The following CFH variants were observed in gnomAD, a reference collection of about 807,000 sequenced individuals.
CFH encodes H factor 1 (complement).
Under a neutral mutation model 147.3 loss-of-function variants are expected in CFH, and 53 were observed. The ratio of observed to expected loss-of-function variants is 0.36; its 90% confidence interval spans 0.29 to 0.45. The LOEUF (loss-of-function observed/expected upper bound fraction) is 0.45, where lower values mean the gene tolerates loss of function less well. CFH is among the 20% of genes least tolerant of loss of function. The pLI is 1.00. For synonymous variants in CFH, 536 were observed against 489.4 expected (o/e 1.10, Z -1.26); for missense variants, 1,380 against 1,498.0 (o/e 0.92, Z 1.30).
At chr1:196,746,988 G>A in intron 21 of CFH, 123 bp from the exon 22 acceptor site, 1 of 1,518,302 alleles carries the variant, frequency 6.6e-7, no homozygotes, top group Non-Finnish European at 9.0e-7. Context: ...TACATAGTTG[G>A]TTTGGATAGT....
Position 196,725,315 on chromosome 1 carries a change from A to C in CFH, c.1873+18A>C. ...ATGTAAAGGTGAATGCTTATCTTAC[A>C]ATTGCTGAAATAAGAATTAGAACTT... On this transcript the variant is annotated intron_variant, in intron 12 of 21. Coordinates refer to ENST00000367429, the MANE Select transcript of CFH (RefSeq NM_000186.4). The C allele has an allele frequency of 6.2e-7, 1 of 1,611,200 alleles. No individual in the cohort carries two copies. Among genetic ancestry groups the C allele is most frequent in the Non-Finnish European group, 8.5e-7 (1 of 1,177,670 alleles).
chr1:196,717,056 T>G (rs538456562), intron 11 of CFH, among the ~76,000 whole-genome samples: 2 of 151,724 alleles, frequency 1.3e-5, no homozygotes, highest in South Asian at 4.2e-4. Context: ...GAGCAATAGA[T>G]AGTAAAGAAA....
At chr1:196,675,943 T>C (rs369221218) in intron 3 of CFH, 46 bp from the exon 4 acceptor site, 57 of 1,292,924 alleles carry the variant, frequency 4.4e-5, no homozygotes, top group Non-Finnish European at 6.3e-5. Flanking sequence ...TAAAACTGCA[T>C]GTAAACACAC....
chr1:196,737,892 T>C (rs1652632380), intron 17 of CFH, among the ~76,000 whole-genome samples: 1 of 152,170 alleles, frequency 6.6e-6, no homozygotes, highest in African/African-American at 2.4e-5. Context: ...CTAGTGAAAT[T>C]AAACCTATCT....
chr1:196,740,629 T>C lies in CFH; in HGVS notation c.2793T>C (p.Cys931=). 6.2e-7 allele frequency: 1 copy of C among 1,613,734 alleles called. No individual in the cohort carries two copies. Among genetic ancestry groups the C allele is most frequent in the Non-Finnish European group, 8.5e-7 (1 of 1,179,832 alleles). The change falls in exon 18 of 22, where the codon TGT becomes TGC. Residue 931 remains cysteine (C), a synonymous_variant. Coordinates refer to ENST00000367429, the MANE Select transcript of CFH (RefSeq NM_000186.4). ...SSPPQCEGLP[C]KSPPEISHGV... is the part of the protein sequence containing the mutation. ...TTCTTTTTTTTTTAGGCCTTCCTTG[T>C]AAATCTCCACCTGAGATTTCTCATG...
intron 6 of CFH, among the ~76,000 whole-genome samples, chr1:196,681,830 A>G (rs1045740726): frequency 6.6e-6 from 1 of 151,838 alleles, no homozygotes; most frequent in African/African-American, 2.4e-5. Flanking sequence ...TATGCCAACT[A>G]ATATAGCATA....
At chr1:196,742,662 T>C (rs578221476) in intron 19 of CFH, among the ~76,000 whole-genome samples, 1 of 152,292 alleles carries the variant, frequency 6.6e-6, no homozygotes, top group African/African-American at 2.4e-5. Context: ...AAGCTCATTC[T>C]AGACATCCAG....
At chr1:196,719,616 C>A (rs1668952243) in intron 11 of CFH, among the ~76,000 whole-genome samples, 1 of 151,708 alleles carries the variant, frequency 6.6e-6, no homozygotes, top group African/African-American at 2.4e-5. Context: ...TGAATTCTAG[C>A]TTGTACTTTT....
intron 2 of CFH, 159 bp downstream of exon 2, chr1:196,673,322 T>C (rs1430527077): frequency 1.4e-6 from 1 of 719,330 alleles, no homozygotes; most frequent in East Asian, 2.8e-5. Flanking sequence ...AGTCTGGCTC[T>C]GTCACCTAGG....
intron 9 of CFH, among the ~76,000 whole-genome samples, chr1:196,704,343 C>A (rs1573045490): frequency 6.6e-6 from 1 of 152,280 alleles, no homozygotes; most frequent in African/African-American, 2.4e-5. Flanking sequence ...AATCTGCCCT[C>A]CTTGGCCTCC....
intron 7 of CFH, among the ~76,000 whole-genome samples, chr1:196,685,555 A>C (rs1182190327): frequency 2.0e-5 from 3 of 152,102 alleles, no homozygotes; most frequent in Admixed American, 6.6e-5. Flanking sequence ...AAAATACCCC[A>C]AAAACATATT....
chr1:196,686,923 G>A (rs1480485779), intron 7 of CFH, among the ~76,000 whole-genome samples: 1 of 151,930 alleles, frequency 6.6e-6, no homozygotes, highest in East Asian at 1.9e-4. Context: ...TTATTCTCAG[G>A]CCTGCTTCAT....
At chr1:196,700,463 G>A (rs1399288847) in intron 9 of CFH, among the ~76,000 whole-genome samples, 1 of 151,940 alleles carries the variant, frequency 6.6e-6, no homozygotes, top group African/African-American at 2.4e-5. Context: ...AGACCAGGCT[G>A]GCCAACATGG....
At chr1:196,720,565 C>A in intron 11 of CFH, among the ~76,000 whole-genome samples, 1 of 151,862 alleles carries the variant, frequency 6.6e-6, no homozygotes, top group Non-Finnish European at 1.5e-5. Flanking sequence ...ATTATTTTAC[C>A]TAAAATAATG....
intron 9 of CFH, among the ~76,000 whole-genome samples, chr1:196,691,132 A>AT (rs1668007832): frequency 6.6e-6 from 1 of 151,802 alleles, no homozygotes; most frequent in Non-Finnish European, 1.5e-5. Context: ...TGCCTAAACA[A>AT]TTTTTTCTCA....
chr1:196,722,729 AT>A (rs916934178), intron 11 of CFH, among the ~76,000 whole-genome samples: 1 of 152,012 alleles, frequency 6.6e-6, no homozygotes, highest in Non-Finnish European at 1.5e-5. Context: ...AAGTTTTCTC[AT>A]TTTTTAGAAC....
At chr1:196,711,469 T>A (rs1190652726) in intron 9 of CFH, among the ~76,000 whole-genome samples, 1 of 145,298 alleles carries the variant, frequency 6.9e-6, no homozygotes, top group Non-Finnish European at 1.5e-5. Context: ...AAAATGTGGA[T>A]TTTTTTTTAA....
intron 9 of CFH, among the ~76,000 whole-genome samples, chr1:196,709,638 G>A (rs551163456): frequency 2.0e-5 from 3 of 152,200 alleles, no homozygotes; most frequent in Non-Finnish European, 2.9e-5. Flanking sequence ...CTTTCCATTT[G>A]TCCAACTTCT....
intron 1 of CFH, among the ~76,000 whole-genome samples, chr1:196,656,346 G>GA (rs1558147857): frequency 6.6e-6 from 1 of 150,514 alleles, no homozygotes; most frequent in African/African-American, 2.4e-5. Context: ...GAAAGAAAAG[G>GA]AAAAAGCAAT....
Sources: allele counts gnomAD v4.1 joint callset (sites outside exome capture counted in the v4.1 genomes callset), GRCh38; gene constraint gnomAD v4.1.1; transcripts MANE v1.5; gene names NCBI Gene and HGNC (gene_info 2026-07-23, HGNC 2026-07-21).